Variants in PTPRD observed in about 807,000 individuals in gnomAD.
The protein encoded by PTPRD is receptor-type tyrosine-protein phosphatase delta.
Under a neutral mutation model 214.5 loss-of-function variants are expected in PTPRD, and 34 were observed. That is an observed-to-expected ratio of 0.16 (90% CI 0.12 to 0.21). PTPRD has a LOEUF of 0.21. PTPRD is among the 10% of genes least tolerant of loss of function. PTPRD has a pLI of 1.00. For synonymous variants in PTPRD, 1,128 were observed against 845.7 expected (o/e 1.33, Z -5.79); for missense variants, 2,545 against 2,398.7 (o/e 1.06, Z -1.27).
At chr9:9,790,955 G>C (rs2098962794) in intron 5 of PTPRD, among the ~76,000 whole-genome samples, 1 of 152,084 alleles carries the variant, frequency 6.6e-6, no homozygotes, top group African/African-American at 2.4e-5. Context: ...ATGGCATCTT[G>C]GAAGACAGAT....
At chr9:9,251,785 A>T (rs1233232097) in intron 9 of PTPRD, among the ~76,000 whole-genome samples, 2 of 152,102 alleles carry the variant, frequency 1.3e-5, no homozygotes, top group Admixed American at 6.6e-5. Context: ...AAATAAAAGA[A>T]TGATTTGAGA....
intron 14 of PTPRD, among the ~76,000 whole-genome samples, chr9:8,585,788 T>C (rs185004100): frequency 3.9e-4 from 59 of 152,328 alleles, no homozygotes; most frequent in African/African-American, 1.3e-3. Context: ...CACTTCTGAT[T>C]TCTCTGCCTG....
intron 4 of PTPRD, among the ~76,000 whole-genome samples, chr9:9,951,524 C>T (rs540893623): frequency 2.6e-5 from 4 of 152,316 alleles, no homozygotes; most frequent in East Asian, 3.9e-4. Context: ...CTAAATTCTT[C>T]TGAATCCTCC....
chr9:10,443,291 A>G (rs2098773771), intron 2 of PTPRD, among the ~76,000 whole-genome samples: 1 of 151,768 alleles, frequency 6.6e-6, no homozygotes, highest in African/African-American at 2.4e-5. Flanking sequence ...ACTATCAGAT[A>G]AAGTAATGTC....
chr9:9,128,345 AC>A (rs2099837305), intron 10 of PTPRD, among the ~76,000 whole-genome samples: 1 of 152,250 alleles, frequency 6.6e-6, no homozygotes, highest in Admixed American at 6.5e-5. Flanking sequence ...ACACACATAT[AC>A]AAACACATAT....
chr9:9,609,612 G>A (rs571821189), intron 7 of PTPRD, among the ~76,000 whole-genome samples: 5 of 152,152 alleles, frequency 3.3e-5, no homozygotes, highest in South Asian at 4.1e-4. Flanking sequence ...ACAGATGTAC[G>A]CCACCACACC....
intron 39 of PTPRD, among the ~76,000 whole-genome samples, chr9:8,367,337 G>T (rs2080198429): frequency 6.6e-6 from 1 of 151,992 alleles, no homozygotes; most frequent in Non-Finnish European, 1.5e-5. Context: ...TCATGTAGGG[G>T]CGATTTTATA....
chr9:9,667,595 C>T (rs2096748367), intron 7 of PTPRD, among the ~76,000 whole-genome samples: 1 of 152,152 alleles, frequency 6.6e-6, no homozygotes, highest in Non-Finnish European at 1.5e-5. Context: ...CATTTAAGCA[C>T]ACAGGGATTT....
At chr9:10,376,582 G>GA (rs1462583196) in intron 2 of PTPRD, among the ~76,000 whole-genome samples, 1 of 151,648 alleles carries the variant, frequency 6.6e-6, no homozygotes, top group African/African-American at 2.4e-5. Context: ...AAGACAGGCA[G>GA]AAAATCATCC....
intron 10 of PTPRD, among the ~76,000 whole-genome samples, chr9:9,181,500 T>C (rs2099928190): frequency 6.6e-6 from 1 of 151,940 alleles, no homozygotes; most frequent in Non-Finnish European, 1.5e-5. Context: ...AATAATAACA[T>C]CTACAAACAA....
At chr9:10,531,642 T>C (rs933102512) in intron 2 of PTPRD, among the ~76,000 whole-genome samples, 1 of 152,180 alleles carries the variant, frequency 6.6e-6, no homozygotes, top group African/African-American at 2.4e-5. Context: ...TACAAAGTTG[T>C]AATATCAAAT....
At chr9:8,611,393 G>A (rs1330806403) in intron 14 of PTPRD, among the ~76,000 whole-genome samples, 1 of 152,070 alleles carries the variant, frequency 6.6e-6, no homozygotes, top group Non-Finnish European at 1.5e-5. Context: ...GGTAAAGGAT[G>A]GAAAGAAAGG....
chr9:8,687,312 C>G (rs2097700774), intron 12 of PTPRD, among the ~76,000 whole-genome samples: 1 of 152,306 alleles, frequency 6.6e-6, no homozygotes, highest in South Asian at 2.1e-4. Flanking sequence ...GATGGCTTCT[C>G]TCAAAACTCT....
chr9:9,447,198 A>G (rs990577893), intron 8 of PTPRD, among the ~76,000 whole-genome samples: 1 of 152,208 alleles, frequency 6.6e-6, no homozygotes, highest in Non-Finnish European at 1.5e-5. Context: ...TCATTCTATC[A>G]TAATGACACA....
chr9:10,519,911 A>C (rs1039474297), intron 2 of PTPRD, among the ~76,000 whole-genome samples: 1 of 151,982 alleles, frequency 6.6e-6, no homozygotes, highest in African/African-American at 2.4e-5. Flanking sequence ...CCCTCTCCTC[A>C]GGCTCCCCTA....
intron 14 of PTPRD, among the ~76,000 whole-genome samples, chr9:8,565,083 T>C (rs1462718318): frequency 6.6e-6 from 1 of 152,114 alleles, no homozygotes; most frequent in African/African-American, 2.4e-5. Context: ...AAAAACTCAA[T>C]GACGGGGAGA....
chr9:9,364,183 G>A lies in PTPRD; in HGVS notation c.-203+33266C>T, dbSNP rs192854807. ...TTGAGTCTAAATTGATAGACTGATC[G>A]TTTTTCTCTGTTGTGGAATTAGCTG... On this transcript the variant is annotated intron_variant, in intron 9 of 45. Coordinates refer to ENST00000381196, the MANE Select transcript of PTPRD (RefSeq NM_002839.4). Among the ~76,000 whole-genome samples, 352 of 151,448 alleles carry A rather than the reference G, an allele frequency of 2.3e-3. 1 individual carries two copies. The highest frequency in any genetic ancestry group is 7.9e-3 in the African/African-American group (328 of 41,420).
chr9:9,141,228 T>G (rs1592302295), intron 10 of PTPRD, among the ~76,000 whole-genome samples: 1 of 128,968 alleles, frequency 7.8e-6, no homozygotes, highest in Middle Eastern at 3.9e-3. Context: ...CCCTTCTCTC[T>G]CCTCCCCCCG....
chr9:8,812,265 T>C (rs2096824440), intron 11 of PTPRD, among the ~76,000 whole-genome samples: 1 of 152,186 alleles, frequency 6.6e-6, no homozygotes, highest in South Asian at 2.1e-4. Context: ...TAGATGTACA[T>C]ATATATTTAT....
Sources: allele counts gnomAD v4.1 joint callset (sites outside exome capture counted in the v4.1 genomes callset), GRCh38; gene constraint gnomAD v4.1.1; transcripts MANE v1.5; gene names NCBI Gene and HGNC (gene_info 2026-07-23, HGNC 2026-07-21).